The following ITGAM variants were observed in gnomAD, a reference collection of about 807,000 sequenced individuals.
ITGAM encodes integrin subunit alpha M, also known as integrin alpha-M.
In ITGAM, 79 loss-of-function variants were observed where a neutral mutation model predicts 137.5. The observed-to-expected ratio is 0.57, with a 90% confidence interval of 0.48 to 0.69. The LOEUF (loss-of-function observed/expected upper bound fraction) is 0.69, where lower values mean the gene tolerates loss of function less well. Among genes scored for constraint, ITGAM ranks in the 30% least tolerant of loss-of-function variants. The probability of loss-of-function intolerance (pLI) is 0.00; values close to 1 mark genes in which losing one functional copy is unlikely to be tolerated. For missense variants in ITGAM, 1,343 were observed against 1,483.5 expected (o/e 0.91, Z 1.56); for synonymous variants, 583 against 592.3 (o/e 0.98, Z 0.23).
intron 5 of ITGAM, among the ~76,000 whole-genome samples, chr16:31,269,251 A>G (rs1292324729): frequency 2.0e-5 from 3 of 152,148 alleles, no homozygotes; most frequent in Non-Finnish European, 2.9e-5. Context: ...GGTCTGCAAA[A>G]TATCTCAAGC....
intron 8 of ITGAM, 130 bp from the exon 9 acceptor site, chr16:31,275,419 T>C: frequency 1.0e-6 from 1 of 977,170 alleles, no homozygotes; most frequent in Non-Finnish European, 1.5e-6. Flanking sequence ...GGCAACCCTG[T>C]CCCAGGGACC....
chr16:31,295,950 T>C (rs1287427072), intron 12 of ITGAM, among the ~76,000 whole-genome samples: 1 of 152,050 alleles, frequency 6.6e-6, no homozygotes, highest in Non-Finnish European at 1.5e-5. Context: ...TTTTGTCAAA[T>C]GCTTTTTTTT....
intron 14 of ITGAM, among the ~76,000 whole-genome samples, chr16:31,319,967 C>G (rs1360519543): frequency 6.6e-6 from 1 of 152,048 alleles, no homozygotes; most frequent in Non-Finnish European, 1.5e-5. Flanking sequence ...TGCCCACCAC[C>G]TCTCCTGGCT....
At chr16:31,310,362 A>G (rs1448013876) in intron 14 of ITGAM, among the ~76,000 whole-genome samples, 2 of 150,666 alleles carry the variant, frequency 1.3e-5, no homozygotes, top group Non-Finnish European at 3.0e-5. Flanking sequence ...CTTTTCACAT[A>G]GTCCCATATT....
chr16:31,285,676 T>C (rs2080021312), intron 12 of ITGAM, among the ~76,000 whole-genome samples: 2 of 152,232 alleles, frequency 1.3e-5, no homozygotes, highest in South Asian at 2.1e-4. Context: ...TTGGGGTACA[T>C]GTATAGGCTT....
chr16:31,330,432 T>C lies in ITGAM; in HGVS notation c.3174+11T>C. The C allele has an allele frequency of 6.2e-7, 1 of 1,611,342 alleles. No homozygotes were observed. The highest frequency in any genetic ancestry group is 8.5e-7 in the Non-Finnish European group (1 of 1,177,476). ...GACTGGTACATCAAGGTGTGTGGGG[T>C]CCTGAGGCTTCGCCGGGCACAGGCG... is the stretch of plus-strand genomic sequence containing the variant. On this transcript the variant is annotated intron_variant, in intron 27 of 29. Transcript: ENST00000544665.
rs368823511 is a variant in ITGAM at position 31,321,610 on chromosome 16, G to A, written c.1985G>A (p.Arg662Gln). The A allele has an allele frequency of 1.5e-5, 24 of 1,613,704 alleles. No individual in the cohort carries two copies. Among genetic ancestry groups the A allele is most frequent in the Admixed American group, 1.2e-4 (7 of 59,992 alleles). ...TGCCTCCATGTCCAGAAGAGCACAC[G>A]GGATCGGCTAAGAGAAGGTGAGGCT... Reference protein sequence around the residue: ...RVCLHVQKSTRDRLREGQIQS... With the variant: ...RVCLHVQKSTQDRLREGQIQS... The change falls in exon 16 of 30, where the codon CGG (arginine) becomes CAG (glutamine). Residue 662 changes from arginine (R) to glutamine (Q), a missense_variant. Transcript: ENST00000544665.
chr16:31,297,679 G>T, intron 13 of ITGAM, 25 bp downstream of exon 13: 1 of 1,608,448 alleles, frequency 6.2e-7, no homozygotes, highest in Non-Finnish European at 8.5e-7. Context: ...GACCTGGGCT[G>T]GGTGGGGCCC....
rs1327767382 is a variant in ITGAM at position 31,325,235 on chromosome 16, C to G, written c.2364-28C>G. On this transcript the variant is annotated intron_variant, in intron 19 of 29. Transcript: ENST00000544665. ...GCCACAGGGAAGCCCAGCGCCCCAT[C>G]CCCCGGCCTGTCTTCTTCTTCCCAC... 3 of 1,595,212 alleles carry G rather than the reference C, an allele frequency of 1.9e-6. No homozygotes were observed. The African/African-American group carries it at 4.0e-5, about 21-fold the overall frequency.
chr16:31,314,956 G>A (rs2080375160), intron 14 of ITGAM, among the ~76,000 whole-genome samples: 1 of 151,536 alleles, frequency 6.6e-6, no homozygotes, highest in Admixed American at 6.6e-5. Flanking sequence ...GGGATTACAG[G>A]TGCCCACCAC....
At chr16:31,273,545 G>T (rs768503975) in intron 8 of ITGAM, 27 bp downstream of exon 8, 7 of 1,610,620 alleles carry the variant, frequency 4.3e-6, no homozygotes, top group Middle Eastern at 1.6e-4. Context: ...TCAGGTTGAT[G>T]CTTCTGTGGA....
chr16:31,270,158 C>CTTTCCTTTCCTTTCA (rs1262262106), intron 5 of ITGAM, among the ~76,000 whole-genome samples: 4 of 75,756 alleles, frequency 5.3e-5, no homozygotes, highest in African/African-American at 1.7e-4. Context: ...CTTTCCTTTC[C>CTTTCCTTTCCTTTCA]TTTCCTTTCC....
At chr16:31,303,024 G>C (rs2080231568) in intron 14 of ITGAM, among the ~76,000 whole-genome samples, 1 of 111,834 alleles carries the variant, frequency 8.9e-6, no homozygotes. Context: ...CTTTCTCTCT[G>C]TTTCTTTCTC....
At position 31,325,328 on chromosome 16, in the gene ITGAM, G is replaced by A. The variant is rs753577495; in HGVS notation, c.2429G>A (p.Gly810Asp). The change falls in exon 20 of 30, where the codon GGT (glycine) becomes GAT (aspartate). Residue 810 changes from glycine (G) to aspartate (D), a missense_variant. Coordinates refer to ENST00000544665, the MANE Select transcript of ITGAM (RefSeq NM_000632.4). ...GTGACAGTGACTGTGAGAAATGATGGTGAGGACTCCTACAGGACACAGGTC... is the reference window on the plus strand; with the variant it reads ...GTGACAGTGACTGTGAGAAATGATGATGAGGACTCCTACAGGACACAGGTC... ...FNVTVTVRNDGEDSYRTQVTF... is the reference protein window; with the variant it reads ...FNVTVTVRNDDEDSYRTQVTF... 9.3e-6 allele frequency: 15 copies of A among 1,613,822 alleles called. No homozygotes were observed. The highest frequency in any genetic ancestry group is 1.1e-5 in the Non-Finnish European group (13 of 1,179,874).
At chr16:31,272,874 T>C (rs1596980395) in intron 7 of ITGAM, among the ~76,000 whole-genome samples, 2 of 152,002 alleles carry the variant, frequency 1.3e-5, no homozygotes, top group Non-Finnish European at 2.9e-5. Context: ...TCCTTTCCCT[T>C]CCCTGCTGCT....
At chr16:31,329,984 C>A (rs2080558672) in intron 25 of ITGAM, 79 bp downstream of exon 25, 4 of 1,523,060 alleles carry the variant, frequency 2.6e-6, no homozygotes, top group Non-Finnish European at 3.6e-6. Flanking sequence ...GTTTTAGAGC[C>A]GCTCCGCCCC....
Position 31,265,385 on chromosome 16 carries a change from C to G in ITGAM, c.135-10C>G. The G allele has an allele frequency of 6.5e-7, 1 of 1,546,352 alleles. No individual in the cohort carries two copies. On this transcript the variant is annotated splice_polypyrimidine_tract_variant and intron_variant, in intron 2 of 29. Coordinates refer to ENST00000544665, the MANE Select transcript of ITGAM (RefSeq NM_000632.4). ...GTCGAAGTTTTCTCTGTTCCCACTTCTCCCCACAGGGTGGTGGTTGGAGCC... is the reference window on the plus strand; with the variant it reads ...GTCGAAGTTTTCTCTGTTCCCACTTGTCCCCACAGGGTGGTGGTTGGAGCC...
intron 12 of ITGAM, among the ~76,000 whole-genome samples, chr16:31,295,771 G>T (rs1000993925): frequency 6.6e-6 from 1 of 151,970 alleles, no homozygotes; most frequent in Non-Finnish European, 1.5e-5. Context: ...TAGAAGTAGT[G>T]AGAGTGAGCA....
chr16:31,289,433 G>A (rs1465246479), intron 12 of ITGAM, among the ~76,000 whole-genome samples: 9 of 152,078 alleles, frequency 5.9e-5, no homozygotes, highest in Non-Finnish European at 1.2e-4. Flanking sequence ...CCATAAAAAA[G>A]GATGAGTTCA....
Sources: gnomAD v4.1 joint callset for allele counts (sites outside exome capture counted in the v4.1 genomes callset) on GRCh38, gnomAD v4.1.1 for gene constraint, MANE v1.5 for transcripts, NCBI Gene and HGNC (gene_info 2026-07-23, HGNC 2026-07-21) for gene names.